The following GABRG3 variants were observed in gnomAD, a reference collection of about 807,000 sequenced individuals.
The protein encoded by GABRG3 is gamma-aminobutyric acid type A receptor subunit gamma3, also known as gamma-aminobutyric acid receptor subunit gamma-3.
Under a neutral mutation model 48.8 loss-of-function variants are expected in GABRG3, and 25 were observed. That is an observed-to-expected ratio of 0.51 (90% CI 0.37 to 0.72). The LOEUF is 0.72. Ranked by LOEUF, GABRG3 falls within the 30% of genes least tolerant of loss-of-function variation. The pLI is 0.00. For synonymous variants in GABRG3, 227 were observed against 217.6 expected (o/e 1.04, Z -0.38); for missense variants, 394 against 577.9 (o/e 0.68, Z 3.26).
At chr15:27,484,823 G>A (rs907069294) in intron 6 of GABRG3, among the ~76,000 whole-genome samples, 3 of 152,152 alleles carry the variant, frequency 2.0e-5, no homozygotes, top group Admixed American at 6.5e-5. Flanking sequence ...CTAAAAATGT[G>A]AGCAGCAAGA....
intron 5 of GABRG3, among the ~76,000 whole-genome samples, chr15:27,332,695 C>T (rs1246800558): frequency 6.6e-6 from 1 of 152,118 alleles, no homozygotes; most frequent in East Asian, 1.9e-4. Context: ...TTGTTATATT[C>T]ACTATCATAC....
At chr15:27,226,402 C>T (rs1050341928) in intron 3 of GABRG3, among the ~76,000 whole-genome samples, 3 of 152,130 alleles carry the variant, frequency 2.0e-5, no homozygotes, top group East Asian at 1.9e-4. Context: ...AAGCAAATCG[C>T]GGCCACTAAG....
intron 3 of GABRG3, among the ~76,000 whole-genome samples, chr15:27,246,282 A>C (rs1377284966): frequency 6.6e-6 from 1 of 152,164 alleles, no homozygotes; most frequent in Non-Finnish European, 1.5e-5. Flanking sequence ...AAATATATTT[A>C]GGAAACTTTT....
At chr15:27,301,941 G>A (rs141666573) in intron 3 of GABRG3, among the ~76,000 whole-genome samples, 55 of 152,166 alleles carry the variant, frequency 3.6e-4, no homozygotes, top group African/African-American at 1.3e-3. Context: ...GGAAAGAGCT[G>A]CCAATCTAGA....
intron 3 of GABRG3, among the ~76,000 whole-genome samples, chr15:27,306,991 T>C (rs1221352701): frequency 8.5e-6 from 1 of 118,012 alleles, no homozygotes; most frequent in African/African-American, 3.8e-5. Context: ...TATAAACATG[T>C]TTATATATAA....
At chr15:27,305,648 A>T (rs1425871032) in intron 3 of GABRG3, among the ~76,000 whole-genome samples, 1 of 128,050 alleles carries the variant, frequency 7.8e-6, no homozygotes, top group African/African-American at 2.9e-5. Flanking sequence ...ATATGTTTAT[A>T]TATAAACATA....
chr15:27,041,100 AT>A (rs1446533161), intron 3 of GABRG3, among the ~76,000 whole-genome samples: 1 of 152,214 alleles, frequency 6.6e-6, no homozygotes, highest in Non-Finnish European at 1.5e-5. Context: ...AAAGAGACAA[AT>A]TTAGATGGTA....
chr15:27,316,356 C>T (rs1228636265), intron 3 of GABRG3, among the ~76,000 whole-genome samples: 1 of 143,818 alleles, frequency 7.0e-6, no homozygotes, highest in African/African-American at 2.7e-5. Context: ...CCACTGCACT[C>T]CAGCCTGGGC....
chr15:27,070,946 G>A (rs1896817034), intron 3 of GABRG3, among the ~76,000 whole-genome samples: 1 of 152,200 alleles, frequency 6.6e-6, no homozygotes, highest in Non-Finnish European at 1.5e-5. Context: ...GGACTGCGAG[G>A]TCCTCTCCAG....
intron 5 of GABRG3, among the ~76,000 whole-genome samples, chr15:27,413,591 T>A (rs1284957308): frequency 1.3e-5 from 2 of 152,134 alleles, no homozygotes; most frequent in Non-Finnish European, 2.9e-5. Context: ...AATGCATACT[T>A]TCACATTTAA....
chr15:27,255,101 C>G (rs1424962463), intron 3 of GABRG3, among the ~76,000 whole-genome samples: 10 of 152,166 alleles, frequency 6.6e-5, no homozygotes, highest in African/African-American at 2.4e-4. Flanking sequence ...CCTTCCTGCT[C>G]CCAGGGCTGC....
chr15:27,076,637 A>G (rs1896915961), intron 3 of GABRG3, among the ~76,000 whole-genome samples: 1 of 152,038 alleles, frequency 6.6e-6, no homozygotes, highest in African/African-American at 2.4e-5. Context: ...CACCTGTCTC[A>G]AGATCATCCT....
chr15:27,191,887 T>C (rs1041685132), intron 3 of GABRG3, among the ~76,000 whole-genome samples: 2 of 152,200 alleles, frequency 1.3e-5, no homozygotes, highest in African/African-American at 4.8e-5. Flanking sequence ...CTATGTTTAG[T>C]GCTTCCTTCA....
intron 3 of GABRG3, among the ~76,000 whole-genome samples, chr15:27,145,603 C>CTTTATCTATCTATCTATCTATCATCTA: frequency 9.8e-6 from 1 of 102,388 alleles, no homozygotes; most frequent in Non-Finnish European, 2.2e-5. Flanking sequence ...ATATATCTAT[C>CTTTATCTATCTATCTATCTATCATCTA]TCTATCTATC....
At chr15:27,092,525 T>A (rs761815352) in intron 3 of GABRG3, among the ~76,000 whole-genome samples, 15 of 152,182 alleles carry the variant, frequency 9.9e-5, no homozygotes, top group African/African-American at 3.6e-4. Context: ...CAGGTAATGG[T>A]TGTTCCTGTG....
At chr15:27,227,344 A>G (rs775820139) in intron 3 of GABRG3, among the ~76,000 whole-genome samples, 5 of 151,982 alleles carry the variant, frequency 3.3e-5, no homozygotes, top group Admixed American at 6.6e-5. Flanking sequence ...CAGAAAAGTT[A>G]CCTGGGCCTG....
At chr15:27,295,864 A>T (rs1349523195) in intron 3 of GABRG3, among the ~76,000 whole-genome samples, 1 of 152,074 alleles carries the variant, frequency 6.6e-6, no homozygotes, top group Non-Finnish European at 1.5e-5. Context: ...ACTTCAAAGG[A>T]GCTGGGGTGG....
intron 3 of GABRG3, among the ~76,000 whole-genome samples, chr15:27,111,426 A>G (rs985413742): frequency 2.0e-5 from 3 of 152,060 alleles, no homozygotes; most frequent in African/African-American, 4.8e-5. Context: ...TTACTTGCCT[A>G]TTGATGTGCC....
At chr15:27,199,814 A>G (rs1417930467) in intron 3 of GABRG3, among the ~76,000 whole-genome samples, 2 of 152,212 alleles carry the variant, frequency 1.3e-5, no homozygotes, top group Non-Finnish European at 2.9e-5. Context: ...AAAATGGACT[A>G]AGAAACTTAC....
Sources: gnomAD v4.1 joint callset for allele counts (sites outside exome capture counted in the v4.1 genomes callset) on GRCh38, gnomAD v4.1.1 for gene constraint, MANE v1.5 for transcripts, NCBI Gene and HGNC (gene_info 2026-07-23, HGNC 2026-07-21) for gene names.